CADM2: variants seen among roughly 807,000 people sequenced by gnomAD.
CADM2 encodes the protein cell adhesion molecule 2.
In CADM2, 12 loss-of-function variants were observed where a neutral mutation model predicts 49.8. The ratio of observed to expected loss-of-function variants is 0.24; its 90% CI spans 0.15 to 0.39. CADM2 has a LOEUF of 0.39. CADM2 is among the 10% of genes least tolerant of loss of function. CADM2 has a pLI of 1.00. For missense variants in CADM2, 378 were observed against 492.3 expected, an observed-to-expected ratio of 0.77 and a Z score of 2.20; for synonymous variants, 214 against 175.4, an observed-to-expected ratio of 1.22 and a Z score of -1.74.
In CADM2 at chr3:85,433,662, C is replaced by T. The variant is rs1403103307; in HGVS notation, c.62-292860C>T. 3.9e-5 allele frequency among the ~76,000 whole-genome samples: 6 copies of T among 152,100 alleles called. No homozygotes were observed. The South Asian group carries it at 1.2e-3, about 32-fold the overall frequency. On this transcript the variant is annotated intron_variant, in intron 1 of 9. Coordinates refer to ENST00000383699, the MANE Select transcript of CADM2 (RefSeq NM_001167675.2). ...GATGAATTCTGATTTGCATATTGCC[C>T]CGTAGACCCTGAGAATGGAATTGTT...
intron 1 of CADM2, among the ~76,000 whole-genome samples, chr3:85,528,499 T>C (rs1576726359): frequency 2.6e-5 from 4 of 152,210 alleles, no homozygotes; most frequent in Admixed American, 2.6e-4. Flanking sequence ...TCCAATCTTC[T>C]TACAAATTAA....
chr3:85,059,330 C>A (rs917249035), intron 1 of CADM2, among the ~76,000 whole-genome samples: 6 of 147,776 alleles, frequency 4.1e-5, no homozygotes, highest in Admixed American at 2.0e-4. Context: ...AAAAAAAAAA[C>A]AACTATGCAT....
chr3:85,614,066 C>A (rs1048839547), intron 1 of CADM2, among the ~76,000 whole-genome samples: 21 of 151,276 alleles, frequency 1.4e-4, no homozygotes, highest in South Asian at 6.2e-4. Flanking sequence ...TTTATATTAA[C>A]CAAATGTTGA....
chr3:86,037,138 T>C (rs1399141022), intron 8 of CADM2, among the ~76,000 whole-genome samples: 1 of 152,230 alleles, frequency 6.6e-6, no homozygotes, highest in Non-Finnish European at 1.5e-5. Flanking sequence ...CTTGCTAATG[T>C]ATTGCTTTTG....
chr3:85,544,448 A>G (rs2061616938), intron 1 of CADM2, among the ~76,000 whole-genome samples: 2 of 152,234 alleles, frequency 1.3e-5, no homozygotes, highest in East Asian at 3.9e-4. Flanking sequence ...GCTGTGGCGG[A>G]CGCCTGTAGT....
intron 1 of CADM2, among the ~76,000 whole-genome samples, chr3:85,613,283 C>T (rs747248584): frequency 1.4e-4 from 21 of 151,370 alleles, no homozygotes; most frequent in Non-Finnish European, 2.5e-4. Context: ...GTTTAAAATT[C>T]ACAACATATT....
At chr3:85,812,521 T>C (rs1290620178) in intron 3 of CADM2, among the ~76,000 whole-genome samples, 1 of 152,096 alleles carries the variant, frequency 6.6e-6, no homozygotes, top group East Asian at 1.9e-4. Flanking sequence ...TTTAAGATAT[T>C]CTAACATTCT....
At chr3:85,578,655 C>A (rs2062711177) in intron 1 of CADM2, among the ~76,000 whole-genome samples, 1 of 152,290 alleles carries the variant, frequency 6.6e-6, no homozygotes, top group Non-Finnish European at 1.5e-5. Context: ...ATTATACAAC[C>A]TGATAGTACT....
chr3:85,574,294 C>G (rs1306792938), intron 1 of CADM2, among the ~76,000 whole-genome samples: 1 of 152,210 alleles, frequency 6.6e-6, no homozygotes, highest in African/African-American at 2.4e-5. Flanking sequence ...TAGGTTATCT[C>G]TATGTCTAAT....
intron 1 of CADM2, among the ~76,000 whole-genome samples, chr3:85,660,647 AG>A (rs2065373345): frequency 6.6e-6 from 1 of 152,014 alleles, no homozygotes; most frequent in Admixed American, 6.6e-5. Flanking sequence ...GTTTATCAGC[AG>A]GGGGCAGGTT....
chr3:85,361,667 C>G (rs963695802), intron 1 of CADM2, among the ~76,000 whole-genome samples: 1 of 152,128 alleles, frequency 6.6e-6, no homozygotes, highest in Non-Finnish European at 1.5e-5. Flanking sequence ...AGTTCCTTTC[C>G]TCTTGCAGCA....
At position 86,072,238 on chromosome 3, in the gene CADM2, GGTTAT is replaced by G; in HGVS notation, c.*5461_*5465del. On this transcript the variant is annotated 3_prime_UTR_variant, in exon 10 of 10. Coordinates refer to ENST00000383699, the MANE Select transcript of CADM2 (RefSeq NM_001167675.2). ...AAAGTAAGATGTTTCTATGTTATGT[GGTTAT>G]GTTATCAATAATATTTGGTTGATCT... The G allele has an allele frequency of 6.6e-6, 1 of 151,348 alleles. No individual in the cohort carries two copies. The highest frequency in any genetic ancestry group is 1.9e-4 in the East Asian group (1 of 5,170). 9.4% of individuals were successfully genotyped at this position (151,348 alleles called of 1,614,324 possible). A position where few individuals can be genotyped will look rare whatever the true frequency, so the allele number is the denominator to read the frequency against.
At chr3:85,152,938 T>G (rs922239988) in intron 1 of CADM2, among the ~76,000 whole-genome samples, 1 of 144,730 alleles carries the variant, frequency 6.9e-6, no homozygotes, top group Non-Finnish European at 1.5e-5. Flanking sequence ...CACTCCAGCC[T>G]GGGCTACAGA....
chr3:85,842,234 A>T (rs767571783), intron 3 of CADM2, among the ~76,000 whole-genome samples: 6 of 152,036 alleles, frequency 3.9e-5, no homozygotes, highest in Non-Finnish European at 7.4e-5. Flanking sequence ...TGGTCTAATG[A>T]CCTATCCCCA....
Position 86,067,542 on chromosome 3 carries a change from T to C in CADM2, c.*759T>C, listed in dbSNP as rs749423062. 1.3e-5 allele frequency: 2 copies of C among 152,544 alleles called. No individual in the cohort carries two copies. The highest frequency in any genetic ancestry group is 2.9e-5 in the Non-Finnish European group (2 of 67,952). The allele number at this position is 152,544 out of a possible 1,614,324, so 9.4% of individuals were successfully genotyped here. ...GATTTACTGCTTTTGGAATCACAAATATTTAATTCATTTCTCTAATTTGAT... is the reference window on the plus strand; with the variant it reads ...GATTTACTGCTTTTGGAATCACAAACATTTAATTCATTTCTCTAATTTGAT... On this transcript the variant is annotated 3_prime_UTR_variant, in exon 10 of 10. Coordinates refer to ENST00000383699, the MANE Select transcript of CADM2 (RefSeq NM_001167675.2).
chr3:85,622,484 T>C (rs1056961043), intron 1 of CADM2, among the ~76,000 whole-genome samples: 1 of 152,182 alleles, frequency 6.6e-6, no homozygotes, highest in African/African-American at 2.4e-5. Flanking sequence ...TTCATTTAGA[T>C]TTGCTTGTAT....
intron 1 of CADM2, among the ~76,000 whole-genome samples, chr3:85,204,802 A>G (rs1392415158): frequency 3.3e-5 from 5 of 152,088 alleles, no homozygotes; most frequent in Non-Finnish European, 7.4e-5. Flanking sequence ...GAGACCATAA[A>G]ATAATTTGTA....
chr3:85,972,417 A>T lies in CADM2; in HGVS notation c.970+10770A>T, dbSNP rs529310780. 2.4e-3 allele frequency among the ~76,000 whole-genome samples: 358 copies of T among 151,832 alleles called. 3 individuals are homozygous for T. The highest frequency in any genetic ancestry group is 4.2e-3 in the Non-Finnish European group (286 of 67,808). On this transcript the variant is annotated intron_variant, in intron 8 of 9. Coordinates refer to ENST00000383699, the MANE Select transcript of CADM2 (RefSeq NM_001167675.2). ...TTCTACATCTCCACTAATAACTCTT[A>T]GTGTTTATTTATTCTTTATCATCCT... is the stretch of plus-strand genomic sequence containing the variant.
At chr3:85,693,981 A>G (rs1288883465) in intron 1 of CADM2, among the ~76,000 whole-genome samples, 1 of 151,962 alleles carries the variant, frequency 6.6e-6, no homozygotes, top group Non-Finnish European at 1.5e-5. Flanking sequence ...TGAAAAATGC[A>G]TATAAAGAAT....
Sources: gnomAD v4.1 joint callset for allele counts (sites outside exome capture counted in the v4.1 genomes callset) on GRCh38, gnomAD v4.1.1 for gene constraint, MANE v1.5 for transcripts, NCBI Gene and HGNC (gene_info 2026-07-23, HGNC 2026-07-21) for gene names.